The following FMR1NB variants were observed in gnomAD, a reference collection of about 807,000 sequenced individuals.
FMR1NB encodes the protein FMR1 neighbor.
A neutral mutation model predicts 16.8 loss-of-function variants in FMR1NB; 10 were observed. The ratio of observed to expected loss-of-function variants is 0.60; its 90% CI spans 0.37 to 1.01. FMR1NB has a LOEUF of 1.01. Among genes scored for constraint, FMR1NB ranks in the 50% least tolerant of loss-of-function variants. The probability of loss-of-function intolerance (pLI) is 0.01; values close to 1 mark genes in which losing one functional copy is unlikely to be tolerated. For synonymous variants in FMR1NB, 83 were observed against 79.1 expected (o/e 1.05, Z -0.26); for missense variants, 205 against 204.8 (o/e 1.00, Z 0.00).
intron 1 of FMR1NB, among the ~76,000 whole-genome samples, chrX:147,984,932 C>A (rs2044468587): frequency 8.9e-6 from 1 of 111,811 alleles, no homozygotes; most frequent in Admixed American, 9.5e-5. Context: ...TTTTTTGCAT[C>A]AATTGAGATA....
chrX:148,011,101 T>C (rs1557189576), intron 4 of FMR1NB, among the ~76,000 whole-genome samples: 2 of 110,405 alleles, frequency 1.8e-5, no homozygotes, highest in African/African-American at 6.6e-5. Context: ...CTGTCTCTAC[T>C]AACAATACAA....
chrX:147,993,857 C>G (rs1450734808), intron 1 of FMR1NB, among the ~76,000 whole-genome samples: 1 of 111,061 alleles, frequency 9.0e-6, no homozygotes, highest in Non-Finnish European at 1.9e-5. Context: ...TTCTTTTCTT[C>G]CTTCCACTTA....
chrX:148,007,737 G>T (rs782459311), intron 3 of FMR1NB, among the ~76,000 whole-genome samples: 2 of 112,158 alleles, frequency 1.8e-5, no homozygotes, highest in South Asian at 7.5e-4. Flanking sequence ...TTGATATGAT[G>T]AAACACTAAT....
intron 1 of FMR1NB, 134 bp from the exon 2 acceptor site, chrX:148,003,067 T>A: frequency 1.5e-6 from 1 of 661,625 alleles, no homozygotes; most frequent in East Asian, 3.3e-5. Flanking sequence ...CTTAAGCTGT[T>A]ATGAGATGAA....
chrX:148,010,933 C>T (rs1246967768), intron 4 of FMR1NB, among the ~76,000 whole-genome samples: 4 of 111,354 alleles, frequency 3.6e-5, no homozygotes, highest in African/African-American at 1.3e-4. Context: ...ATTCCCCAAC[C>T]TCTGCAATTT....
At chrX:148,009,633 C>T (rs1167910146) in intron 4 of FMR1NB, among the ~76,000 whole-genome samples, 1 of 110,124 alleles carries the variant, frequency 9.1e-6, no homozygotes, top group Non-Finnish European at 1.9e-5. Flanking sequence ...AAGGGAAGCA[C>T]TCACTCTCAG....
chrX:147,982,850 C>A (rs782094838), intron 1 of FMR1NB, among the ~76,000 whole-genome samples: 1 of 111,050 alleles, frequency 9.0e-6, no homozygotes, highest in African/African-American at 3.3e-5. Flanking sequence ...GCCAAGATCG[C>A]GCCACTACAC....
In FMR1NB at chrX:148,003,323, A is replaced by G; in HGVS notation, c.397+3A>G. 1 of 1,208,613 alleles carries G rather than the reference A, an allele frequency of 8.3e-7. No individual in the cohort carries two copies. The highest frequency in any genetic ancestry group is 1.1e-6 in the Non-Finnish European group (1 of 893,788). On this transcript the variant is annotated splice_donor_region_variant and intron_variant, in intron 2 of 5. Coordinates refer to ENST00000370467, the MANE Select transcript of FMR1NB (RefSeq NM_152578.3). ...GCTGAATTTTTTCTTTCCAACAAGTAAGTTCTTGTTTGATTTTTTTCCCCC... is the reference window on the plus strand; with the variant it reads ...GCTGAATTTTTTCTTTCCAACAAGTGAGTTCTTGTTTGATTTTTTTCCCCC...
intron 1 of FMR1NB, among the ~76,000 whole-genome samples, chrX:147,997,707 C>G (rs2044549150): frequency 9.0e-6 from 1 of 111,084 alleles, no homozygotes; most frequent in South Asian, 3.8e-4. Context: ...GCAATCTATC[C>G]ATCTGACAAA....
At chrX:147,985,564 C>A (rs782658179) in intron 1 of FMR1NB, among the ~76,000 whole-genome samples, 1 of 110,973 alleles carries the variant, frequency 9.0e-6, no homozygotes, top group South Asian at 3.8e-4. Flanking sequence ...TGAGAACATG[C>A]GGTGTTTAGT....
In FMR1NB at chrX:147,981,353, C is replaced by T. The variant is rs1569546485; in HGVS notation, c.-50C>T. 1.9e-5 allele frequency: 22 copies of T among 1,175,092 alleles called. No individual in the cohort carries two copies. The highest frequency in any genetic ancestry group is 7.8e-5 in the South Asian group (4 of 51,569). The stretch of plus-strand genomic sequence containing the variant: ...CGGAAGCTTCTGGGCCACGGACTGC[C>T]GGACCGTTGGGCTGTGAGGCAGCGT... On this transcript the variant is annotated 5_prime_UTR_variant, in exon 1 of 6. Coordinates refer to ENST00000370467, the MANE Select transcript of FMR1NB (RefSeq NM_152578.3).
At chrX:148,014,945 C>T (rs957220878) in intron 4 of FMR1NB, among the ~76,000 whole-genome samples, 1 of 111,836 alleles carries the variant, frequency 8.9e-6, no homozygotes, top group Non-Finnish European at 1.9e-5. Context: ...ATGCCCAGCC[C>T]GTGGGTCCTG....
At chrX:147,984,562 G>T (rs982641917) in intron 1 of FMR1NB, among the ~76,000 whole-genome samples, 2 of 111,718 alleles carry the variant, frequency 1.8e-5, no homozygotes, top group African/African-American at 6.5e-5. Context: ...TGTTGGTCTC[G>T]TACCCTGTAA....
At chrX:148,015,990 T>G (rs2044647512) in intron 4 of FMR1NB, among the ~76,000 whole-genome samples, 1 of 112,121 alleles carries the variant, frequency 8.9e-6, no homozygotes, top group Admixed American at 9.4e-5. Context: ...GGTGTTCCAG[T>G]GTTGGGTGCA....
chrX:148,009,397 G>C (rs2044612654), intron 4 of FMR1NB, among the ~76,000 whole-genome samples: 1 of 110,710 alleles, frequency 9.0e-6, no homozygotes, highest in South Asian at 3.8e-4. Context: ...GGTCTTTAAT[G>C]ATCATCTACT....
At chrX:148,007,498 C>T (rs782756286) in intron 3 of FMR1NB, among the ~76,000 whole-genome samples, 1 of 111,730 alleles carries the variant, frequency 9.0e-6, no homozygotes, top group African/African-American at 3.3e-5. Context: ...CTAGGCTTCC[C>T]AGGCTGGTCT....
intron 4 of FMR1NB, among the ~76,000 whole-genome samples, chrX:148,020,959 A>T (rs904877921): frequency 2.7e-5 from 3 of 111,798 alleles, no homozygotes; most frequent in African/African-American, 6.5e-5. Context: ...CAGCACTAGG[A>T]CTAACCTAAG....
chrX:147,997,207 A>C (rs1198979609), intron 1 of FMR1NB, among the ~76,000 whole-genome samples: 2 of 111,913 alleles, frequency 1.8e-5, no homozygotes, highest in African/African-American at 6.5e-5. Flanking sequence ...ACTTCAAACT[A>C]TACTACAAGG....
intron 1 of FMR1NB, among the ~76,000 whole-genome samples, chrX:147,982,470 T>A (rs1337571663): frequency 9.4e-6 from 1 of 106,448 alleles, no homozygotes; most frequent in Non-Finnish European, 1.9e-5. Context: ...TCACCTGTAG[T>A]CCCAGCTACT....
Sources: gnomAD v4.1 joint callset for allele counts (sites outside exome capture counted in the v4.1 genomes callset) on GRCh38, gnomAD v4.1.1 for gene constraint, MANE v1.5 for transcripts, NCBI Gene and HGNC (gene_info 2026-07-23, HGNC 2026-07-21) for gene names.